RGS8: variants seen among roughly 807,000 people sequenced by gnomAD.
The protein encoded by RGS8 is regulator of G-protein signaling 8.
RGS8 carries 8 observed loss-of-function variants against 21.7 expected under a neutral mutation model. The ratio of observed to expected loss-of-function variants is 0.37; its 90% confidence interval spans 0.22 to 0.66. The LOEUF (loss-of-function observed/expected upper bound fraction) is 0.66, where lower values mean the gene tolerates loss of function less well. Among genes scored for constraint, RGS8 ranks in the 30% least tolerant of loss-of-function variants. The probability of loss-of-function intolerance (pLI) is 0.59; values close to 1 mark genes in which losing one functional copy is unlikely to be tolerated. For missense variants in RGS8, 157 were observed against 217.9 expected (o/e 0.72, Z 1.76); for synonymous variants, 80 against 83.6 (o/e 0.96, Z 0.24).
the RGS8 span, among the ~76,000 whole-genome samples, chr1:182,749,329 T>A: frequency 6.6e-6 from 1 of 152,220 alleles, no homozygotes; most frequent in Non-Finnish European, 1.5e-5. Context: ...GTCTTCCCAA[T>A]ACCATTTATT....
At chr1:182,724,939 A>T in the RGS8 span, among the ~76,000 whole-genome samples, 1 of 152,186 alleles carries the variant, frequency 6.6e-6, no homozygotes, top group Non-Finnish European at 1.5e-5. Context: ...TTGTAAGTGG[A>T]CATATCTGGT....
At chr1:182,714,000 A>G in the RGS8 span, among the ~76,000 whole-genome samples, 2 of 152,204 alleles carry the variant, frequency 1.3e-5, no homozygotes, top group Non-Finnish European at 2.9e-5. Context: ...CTTCGTGTGC[A>G]TATTTATAGA....
rs567422546 is a variant in RGS8 at position 182,653,518 on chromosome 1, A to AC, written c.194-5216dup. The stretch of plus-strand genomic sequence containing the variant: ...AGACCAGCCTGACCAACATGGTGAA[A>AC]CCCCATCTCTACTAAAAATACAAAA... On this transcript the variant is annotated intron_variant, in intron 5 of 6. Transcript: ENST00000483095. Among the ~76,000 whole-genome samples, 378 of 151,990 alleles carry AC rather than the reference A, an allele frequency of 2.5e-3. 2 individuals are homozygous for AC. Among genetic ancestry groups the AC allele is most frequent in the Middle Eastern group, 0.024 (7 of 294 alleles).
chr1:182,655,022 C>T (rs1050308987), intron 5 of RGS8, among the ~76,000 whole-genome samples: 3 of 152,174 alleles, frequency 2.0e-5, no homozygotes, highest in Non-Finnish European at 4.4e-5. Context: ...GGCCCAGCAC[C>T]GCACCTAGTG....
At chr1:182,692,538 A>G in the RGS8 span, among the ~76,000 whole-genome samples, 1 of 152,124 alleles carries the variant, frequency 6.6e-6, no homozygotes, top group Non-Finnish European at 1.5e-5. Context: ...TGTTAAAATA[A>G]CCATACTGAT....
chr1:182,661,493 T>C (rs1663584055), intron 5 of RGS8, among the ~76,000 whole-genome samples: 1 of 149,704 alleles, frequency 6.7e-6, no homozygotes, highest in East Asian at 2.0e-4. Flanking sequence ...GTTCAAAAAG[T>C]ATCAAAGGAC....
intron 5 of RGS8, among the ~76,000 whole-genome samples, chr1:182,655,481 C>G (rs1286145356): frequency 6.6e-6 from 1 of 152,232 alleles, no homozygotes; most frequent in Non-Finnish European, 1.5e-5. Context: ...TTAAGGCCGA[C>G]TCGGCAGGGA....
At chr1:182,727,872 C>T in the RGS8 span, among the ~76,000 whole-genome samples, 1 of 152,072 alleles carries the variant, frequency 6.6e-6, no homozygotes, top group African/African-American at 2.4e-5. Flanking sequence ...TTAATTATTG[C>T]AGGATTTTAC....
chr1:182,646,611 C>T (rs1433725028), exon 7 of RGS8: 3 of 842,058 alleles, frequency 3.6e-6, no homozygotes, highest in African/African-American at 1.7e-5. Flanking sequence ...ATTCCCTCCT[C>T]ACCCCCAGCC....
At chr1:182,746,460 A>T in the RGS8 span, among the ~76,000 whole-genome samples, 1 of 152,292 alleles carries the variant, frequency 6.6e-6, no homozygotes, top group East Asian at 1.9e-4. Context: ...TAAGTCCAGG[A>T]GTTCAAGACC....
At chr1:182,706,988 T>C in the RGS8 span, among the ~76,000 whole-genome samples, 1 of 151,556 alleles carries the variant, frequency 6.6e-6, no homozygotes, top group Non-Finnish European at 1.5e-5. Flanking sequence ...CGAAATCCCA[T>C]CTCTACTAAA....
At chr1:182,739,776 G>A in the RGS8 span, among the ~76,000 whole-genome samples, 1 of 151,922 alleles carries the variant, frequency 6.6e-6, no homozygotes, top group South Asian at 2.1e-4. Context: ...AAGCCCTTGC[G>A]CCAGCAGTTA....
the RGS8 span, among the ~76,000 whole-genome samples, chr1:182,749,272 G>A: frequency 4.6e-3 from 702 of 152,280 alleles, 5 homozygotes; most frequent in African/African-American, 0.016. Context: ...TTTGTATATG[G>A]CAAGAGAGGA....
intron 5 of RGS8, among the ~76,000 whole-genome samples, chr1:182,651,735 C>A (rs990905739): frequency 6.6e-6 from 1 of 152,194 alleles, no homozygotes; most frequent in African/African-American, 2.4e-5. Context: ...AGACAGCCAG[C>A]CTGCCTGCCA....
chr1:182,653,370 C>T (rs908642336), intron 5 of RGS8, among the ~76,000 whole-genome samples: 8 of 150,476 alleles, frequency 5.3e-5, no homozygotes, highest in East Asian at 1.9e-4. Context: ...AAACATGAAG[C>T]GAGGAAAGAG....
chr1:182,671,861 G>T (rs190814579), exon 1 of RGS8: 2 of 1,522,162 alleles, frequency 1.3e-6, no homozygotes, highest in Non-Finnish European at 1.8e-6. Context: ...CCCACCACTT[G>T]AGCCAGGCAG....
the RGS8 span, among the ~76,000 whole-genome samples, chr1:182,708,661 G>C: frequency 1.3e-5 from 2 of 152,236 alleles, no homozygotes; most frequent in African/African-American, 2.4e-5. Flanking sequence ...GAGACCACTT[G>C]TGTCTCTCTG....
chr1:182,686,221 A>G (rs1664701603), upstream of RGS8, among the ~76,000 whole-genome samples: 1 of 152,248 alleles, frequency 6.6e-6, no homozygotes, highest in Non-Finnish European at 1.5e-5. Flanking sequence ...AGAAAAAAGT[A>G]GAGTGTGATA....
the RGS8 span, among the ~76,000 whole-genome samples, chr1:182,742,445 C>T: frequency 2.6e-5 from 4 of 152,130 alleles, no homozygotes; most frequent in Non-Finnish European, 5.9e-5. Context: ...CCAGCCTGGG[C>T]ACCATTGAGC....
Sources: gnomAD v4.1 joint callset for allele counts (sites outside exome capture counted in the v4.1 genomes callset) on GRCh38, gnomAD v4.1.1 for gene constraint, MANE v1.5 for transcripts, NCBI Gene and HGNC (gene_info 2026-07-23, HGNC 2026-07-21) for gene names.